The following CYP20A1 variants were observed in gnomAD, a reference collection of about 807,000 sequenced individuals.
The protein encoded by CYP20A1 is cytochrome P450 family 20 subfamily A member 1, also known as cytochrome P450 20A1.
CYP20A1 carries 61 observed loss-of-function variants against 61.4 expected under a neutral mutation model. The ratio of observed to expected loss-of-function variants is 0.99; its 90% CI spans 0.81 to 1.23. The LOEUF is 1.23. CYP20A1 is among the 50% of genes most tolerant of loss of function. CYP20A1 has a pLI of 0.00. For missense variants in CYP20A1, 530 were observed against 542.4 expected (o/e 0.98, Z 0.23); for synonymous variants, 193 against 188.2 (o/e 1.03, Z -0.21).
chr2:203,266,806 A>C (rs1575210954), intron 5 of CYP20A1, 125 bp downstream of exon 5: 1 of 742,510 alleles, frequency 1.3e-6, no homozygotes, highest in Non-Finnish European at 2.2e-6. Flanking sequence ...CATGGTAAAA[A>C]CGTGTCTCTA....
chr2:203,253,939 C>A (rs1171324646), intron 4 of CYP20A1, among the ~76,000 whole-genome samples: 1 of 151,550 alleles, frequency 6.6e-6, no homozygotes, highest in Non-Finnish European at 1.5e-5. Context: ...AAAACTTGTT[C>A]TTTTCTTTCT....
rs1038276633 is a variant in CYP20A1, at chr2:203,299,121, T to C, written c.*2213T>C. On this transcript the variant is annotated 3_prime_UTR_variant, in exon 13 of 13. Coordinates refer to ENST00000356079, the MANE Select transcript of CYP20A1 (RefSeq NM_177538.3). Reference sequence around the variant, plus strand: ...ATATATAATACTTTACTGATAGCATTGTATATTAGTCCAACTTTTTTGGCT... The same window carrying C: ...ATATATAATACTTTACTGATAGCATCGTATATTAGTCCAACTTTTTTGGCT... 2.0e-5 allele frequency among the ~76,000 whole-genome samples: 3 copies of C among 152,210 alleles called. No homozygotes were observed. The highest frequency in any genetic ancestry group is 4.4e-5 in the Non-Finnish European group (3 of 68,030).
chr2:203,291,949 A>G (rs1008600827), intron 10 of CYP20A1, among the ~76,000 whole-genome samples: 2 of 151,950 alleles, frequency 1.3e-5, no homozygotes, highest in African/African-American at 4.8e-5. Flanking sequence ...TGTCCTTGCG[A>G]TAGTTTGCTG....
chr2:203,250,872 G>A (rs961586105), intron 3 of CYP20A1, among the ~76,000 whole-genome samples: 3 of 151,850 alleles, frequency 2.0e-5, no homozygotes, highest in Non-Finnish European at 4.4e-5. Flanking sequence ...AGACCATCCT[G>A]GCTAACACGG....
rs1553513992 is a variant in CYP20A1, at chr2:203,251,793, G to GTGTATATATATA, written c.290-173_290-172insGTATATATATAT. On this transcript the variant is annotated intron_variant, in intron 3 of 12. Coordinates refer to ENST00000356079, the MANE Select transcript of CYP20A1 (RefSeq NM_177538.3). ...TCAAAAGAAAACTATATATATATGT[G>GTGTATATATATA]TATATATATATATATATATATATAA... Among the ~76,000 whole-genome samples, 23 of 64,216 alleles carry GTGTATATATATA rather than the reference G, an allele frequency of 3.6e-4. 2 individuals are homozygous for GTGTATATATATA. In the East Asian group the frequency reaches 7.7e-3, roughly 22 times the overall value. The allele number at this position is 64,216 out of a possible 152,430, so 42.1% of individuals were successfully genotyped here.
intron 1 of CYP20A1, among the ~76,000 whole-genome samples, chr2:203,242,061 C>T (rs1046997200): frequency 3.3e-5 from 5 of 152,136 alleles, no homozygotes; most frequent in East Asian, 1.9e-4. Flanking sequence ...AGGCTGGTTT[C>T]GAACTCCTGA....
At chr2:203,241,058 A>G (rs1192858974) in intron 1 of CYP20A1, among the ~76,000 whole-genome samples, 3 of 152,214 alleles carry the variant, frequency 2.0e-5, no homozygotes, top group Non-Finnish European at 4.4e-5. Context: ...GAACTAGTCA[A>G]TTGTGAAGAT....
In CYP20A1 at chr2:203,303,107, TCTC is replaced by T. The variant is rs1290291118; in HGVS notation, c.*6202_*6204del. ...CCCCTGCCTCCCAGGTTCAAGCAAT[TCTC>T]CTGCCTCAGCCTCCTGAGTAGCTGA... On this transcript the variant is annotated 3_prime_UTR_variant, in exon 13 of 13. Transcript: ENST00000356079. 6.6e-6 allele frequency among the ~76,000 whole-genome samples: 1 copy of T among 152,100 alleles called. No individual in the cohort carries two copies. The highest frequency in any genetic ancestry group is 6.6e-5 in the Admixed American group (1 of 15,248).
chr2:203,292,437 A>G (rs2068577919), intron 11 of CYP20A1, 111 bp downstream of exon 11: 1 of 719,436 alleles, frequency 1.4e-6, no homozygotes, highest in Non-Finnish European at 2.5e-6. Context: ...ATGATACAAC[A>G]AAAGAAAACT....
intron 3 of CYP20A1, among the ~76,000 whole-genome samples, chr2:203,247,388 C>G (rs1194579515): frequency 6.6e-6 from 1 of 152,100 alleles, no homozygotes; most frequent in Admixed American, 6.5e-5. Flanking sequence ...GTCTTATTGC[C>G]TAATTTAAGA....
In CYP20A1 at chr2:203,301,719, A is replaced by G. The variant is rs1395347536; in HGVS notation, c.*4811A>G. 3.3e-5 allele frequency among the ~76,000 whole-genome samples: 5 copies of G among 152,156 alleles called. No individual in the cohort carries two copies. The highest frequency in any genetic ancestry group is 7.3e-5 in the Non-Finnish European group (5 of 68,040). On this transcript the variant is annotated 3_prime_UTR_variant, in exon 13 of 13. Transcript: ENST00000356079. ...CCACAAAAGTACAGTTCCATTTTTT[A>G]TATAAATAGATTCTACCTAACTTAT...
intron 1 of CYP20A1, among the ~76,000 whole-genome samples, chr2:203,239,408 C>G (rs915918352): frequency 7.2e-5 from 11 of 152,218 alleles, no homozygotes; most frequent in Non-Finnish European, 1.6e-4. Context: ...CCCCGCAGGC[C>G]GGTCTCACCT....
At chr2:203,272,632 C>T in intron 5 of CYP20A1, 38 bp from the exon 6 acceptor site, 1 of 1,305,190 alleles carries the variant, frequency 7.7e-7, no homozygotes, top group Non-Finnish European at 1.1e-6. Context: ...AAAATTCTAC[C>T]TATTAGATAA....
At chr2:203,242,921 C>T (rs1206592845) in intron 1 of CYP20A1, among the ~76,000 whole-genome samples, 1 of 152,144 alleles carries the variant, frequency 6.6e-6, no homozygotes, top group Non-Finnish European at 1.5e-5. Context: ...AAATCAAATG[C>T]TCTGTCAATT....
chr2:203,264,373 A>C (rs183526244), intron 4 of CYP20A1, among the ~76,000 whole-genome samples: 1 of 152,200 alleles, frequency 6.6e-6, no homozygotes, highest in East Asian at 1.9e-4. Flanking sequence ...GGTACTGACT[A>C]CTTTGTCGTT....
rs1374629494 is a variant in CYP20A1 at position 203,293,498 on chromosome 2, C to T, written c.1148+1172C>T. Among the ~76,000 whole-genome samples the T allele has an allele frequency of 9.3e-5, 9 of 97,034 alleles. No individual in the cohort carries two copies. In the South Asian group the frequency reaches 3.2e-3, roughly 35 times the overall value. The allele number at this position is 97,034 out of a possible 152,430, so 63.7% of individuals were successfully genotyped here. On this transcript the variant is annotated intron_variant, in intron 11 of 12. Coordinates refer to ENST00000356079, the MANE Select transcript of CYP20A1 (RefSeq NM_177538.3). ...CCAAAGTGCAGGATTACAGCCACTG[C>T]GCCCGGCCTCTTTTTTTTTTTTTTC...
chr2:203,261,237 G>A (rs1409044070), intron 4 of CYP20A1, among the ~76,000 whole-genome samples: 1 of 151,182 alleles, frequency 6.6e-6, no homozygotes, highest in Non-Finnish European at 1.5e-5. Context: ...ATTATAATAG[G>A]GGCTACTCTA....
At chr2:203,253,087 A>G (rs1469112276) in intron 4 of CYP20A1, among the ~76,000 whole-genome samples, 1 of 151,922 alleles carries the variant, frequency 6.6e-6, no homozygotes, top group Non-Finnish European at 1.5e-5. Context: ...TGTGAGTTTC[A>G]TATGAATTGA....
At chr2:203,239,414 C>G (rs1008491396) in intron 1 of CYP20A1, among the ~76,000 whole-genome samples, 2 of 152,196 alleles carry the variant, frequency 1.3e-5, no homozygotes, top group African/African-American at 4.8e-5. Context: ...AGGCCGGTCT[C>G]ACCTTGCCAG....
Sources: gnomAD v4.1 joint callset for allele counts (sites outside exome capture counted in the v4.1 genomes callset) on GRCh38, gnomAD v4.1.1 for gene constraint, MANE v1.5 for transcripts, NCBI Gene and HGNC (gene_info 2026-07-23, HGNC 2026-07-21) for gene names.